The following XPO1 variants were observed in gnomAD, a reference collection of about 807,000 sequenced individuals.
XPO1 encodes the protein exportin-1.
In XPO1, 5 loss-of-function variants were observed where a neutral mutation model predicts 133.3. The ratio of observed to expected loss-of-function variants is 0.04; its 90% CI spans 0.02 to 0.08. The LOEUF (loss-of-function observed/expected upper bound fraction) is 0.08. Among genes scored for constraint, XPO1 ranks in the 10% least tolerant of loss-of-function variants. XPO1 has a pLI of 1.00. For missense variants in XPO1, 506 were observed against 1,267.5 expected, an observed-to-expected ratio of 0.40 and a Z score of 9.12; for synonymous variants, 419 against 408.2, an observed-to-expected ratio of 1.03 and a Z score of -0.32.
chr2:61,486,074 GGAAAATCT>G (rs1558631871), intron 19 of XPO1, 112 bp from the exon 20 acceptor site: 2 of 1,028,608 alleles, frequency 1.9e-6, no homozygotes, highest in African/African-American at 1.6e-5. Flanking sequence ...ACTGAAAACA[GGAAAATCT>G]TGTGTTTGTA....
intron 16 of XPO1, 152 bp from the exon 17 acceptor site, chr2:61,490,928 G>GCCAATC (rs1696949452): frequency 2.1e-6 from 2 of 952,786 alleles, no homozygotes; most frequent in Non-Finnish European, 1.5e-6. Flanking sequence ...GCCAAGGCAG[G>GCCAATC]CCAATCACTT....
chr2:61,525,091 A>G (rs188269063), intron 3 of XPO1, among the ~76,000 whole-genome samples: 3 of 152,322 alleles, frequency 2.0e-5, no homozygotes, highest in Admixed American at 2.0e-4. Context: ...TGAGGGACAG[A>G]TAACAGCAAA....
At chr2:61,491,668 C>T (rs1209439702) in intron 16 of XPO1, among the ~76,000 whole-genome samples, 3 of 152,076 alleles carry the variant, frequency 2.0e-5, no homozygotes, top group East Asian at 1.9e-4. Flanking sequence ...CTGAGGCAAG[C>T]GTATCGCTTG....
intron 3 of XPO1, chr2:61,525,390 A>G (rs1195469071): frequency 1.8e-5 from 18 of 992,608 alleles, no homozygotes; most frequent in African/African-American, 3.5e-5. Flanking sequence ...TAGTGTTAAC[A>G]TCTTTAAAGA....
intron 18 of XPO1, 135 bp downstream of exon 18, chr2:61,488,453 T>A: frequency 8.7e-7 from 1 of 1,151,122 alleles, no homozygotes; most frequent in Non-Finnish European, 1.2e-6. Context: ...TTAACTGTTT[T>A]AAATATGTCT....
At chr2:61,526,830 C>CCTGAGTAG (rs546968745) in intron 2 of XPO1, among the ~76,000 whole-genome samples, 2,074 of 152,018 alleles carry the variant, frequency 0.014, 16 homozygotes, top group Non-Finnish European at 0.022. Flanking sequence ...GCCTCAGCCT[C>CCTGAGTAG]CTGAGTAGCT....
intron 24 of XPO1, 28 bp from the exon 25 acceptor site, chr2:61,478,994 A>G (rs1329406704): frequency 6.3e-7 from 1 of 1,597,636 alleles, no homozygotes; most frequent in Non-Finnish European, 8.5e-7. Context: ...TGAAATGTCA[A>G]CGCAATAAAC....
At chr2:61,531,365 A>C (rs1699147559) in intron 2 of XPO1, among the ~76,000 whole-genome samples, 1 of 152,242 alleles carries the variant, frequency 6.6e-6, no homozygotes, top group South Asian at 2.1e-4. Flanking sequence ...ACAAACAAAA[A>C]AATTTAGAAA....
At chr2:61,535,746 A>C (rs1234908784) in intron 1 of XPO1, among the ~76,000 whole-genome samples, 1 of 152,246 alleles carries the variant, frequency 6.6e-6, no homozygotes, top group Admixed American at 6.5e-5. Context: ...AACGTTTCGT[A>C]GTAGGCATTA....
Position 61,492,094 on chromosome 2 carries a change from A to G in XPO1, c.1828T>C (p.Phe610Leu), listed in dbSNP as rs1697029714. The G allele has an allele frequency of 1.9e-6, 3 of 1,614,076 alleles. No individual in the cohort carries two copies. The highest frequency in any genetic ancestry group is 2.5e-6 in the Non-Finnish European group (3 of 1,180,036). The change falls in exon 16 of 25, where the codon TTT becomes CTT. Residue 610 changes from phenylalanine to leucine, a missense_variant. Physicochemically the swap from Phe to Leu is conservative, Grantham distance 22 (BLOSUM62 0). Coordinates refer to ENST00000401558, the MANE Select transcript of XPO1 (RefSeq NM_003400.4). The surrounding 1 kb of genome is among the most constrained non-coding windows in gnomAD (Gnocchi z 5.6). ...ATGTTGTTCAAAATTTCATCAATAAATGGCATCACTTCTCCAACCTGAACC... is the reference window on the plus strand; with the variant it reads ...ATGTTGTTCAAAATTTCATCAATAAGTGGCATCACTTCTCCAACCTGAACC... The part of the protein sequence containing the change: ...VQVQVGEVMP[F>L]IDEILNNINT...
intron 22 of XPO1, 28 bp downstream of exon 22, chr2:61,482,927 CTT>C (rs1696472935): frequency 6.2e-7 from 1 of 1,612,396 alleles, no homozygotes; most frequent in Non-Finnish European, 8.5e-7. Context: ...CCAGCTGGCA[CTT>C]AACATTTAAA....
chr2:61,526,229 C>G, intron 3 of XPO1, 191 bp downstream of exon 3: 1 of 1,389,728 alleles, frequency 7.2e-7, no homozygotes, highest in Non-Finnish European at 9.2e-7. Context: ...AGTCCCATTA[C>G]AAAACTTCAT....
intron 4 of XPO1, among the ~76,000 whole-genome samples, chr2:61,511,283 C>T (rs1698085701): frequency 6.6e-6 from 1 of 152,084 alleles, no homozygotes; most frequent in Admixed American, 6.5e-5. Context: ...GCCACCACGC[C>T]CAGCTAATTT....
chr2:61,522,785 T>G, intron 3 of XPO1, 102 bp from the exon 4 acceptor site: 3 of 804,800 alleles, frequency 3.7e-6, no homozygotes, highest in Non-Finnish European at 6.2e-6. Flanking sequence ...CATCTAAAGT[T>G]TCAAAAACAT....
chr2:61,481,724 C>T (rs1355997474), intron 23 of XPO1, among the ~76,000 whole-genome samples: 1 of 151,888 alleles, frequency 6.6e-6, no homozygotes, highest in African/African-American at 2.4e-5. Context: ...GGATTACAGG[C>T]GTTTGCCACC....
rs188075147 is a variant in XPO1 at position 61,513,303 on chromosome 2, C to G, written c.301+9308G>C. 2.4e-3 allele frequency among the ~76,000 whole-genome samples: 347 copies of G among 147,464 alleles called. 3 individuals carry two copies. Among genetic ancestry groups the G allele is most frequent in the South Asian group, 7.5e-3 (34 of 4,552 alleles). On this transcript the variant is annotated intron_variant, in intron 4 of 24. Transcript: ENST00000401558. ...TGTGAGCTACTGTGCCCAGCCAAAT[C>G]ACAGATCTTAATGCAAAAGCTAAAA... is the stretch of plus-strand genomic sequence containing the variant.
In XPO1 at chr2:61,482,059, C is replaced by CTTTTTTTTTTTTTTT. The variant is rs1273871116; in HGVS notation, c.2972+320_2972+321insAAAAAAAAAAAAAAA. Among the ~76,000 whole-genome samples, 319 of 40,936 alleles carry CTTTTTTTTTTTTTTT rather than the reference C, an allele frequency of 7.8e-3. 1 individual carries two copies. Among genetic ancestry groups the CTTTTTTTTTTTTTTT allele is most frequent in the Middle Eastern group, 0.014 (1 of 72 alleles). The allele number at this position is 40,936 out of a possible 152,430, so 26.9% of individuals were successfully genotyped here. Reference sequence around the variant, plus strand: ...CTTTTTTTTTTTTTTTTTTTTTTTGCTTTTTTAAAGAGGCAGGGTCTCACT... The same window carrying CTTTTTTTTTTTTTTT: ...CTTTTTTTTTTTTTTTTTTTTTTTGCTTTTTTTTTTTTTTTTTTTTTAAAGAGGCAGGGTCTCACT... On this transcript the variant is annotated intron_variant, in intron 23 of 24. Transcript: ENST00000401558.
chr2:61,505,474 G>A (rs924239316), intron 4 of XPO1, among the ~76,000 whole-genome samples: 7 of 149,370 alleles, frequency 4.7e-5, no homozygotes, highest in Non-Finnish European at 7.4e-5. Flanking sequence ...TCACTGACAC[G>A]GCCGCCTCCT....
intron 20 of XPO1, chr2:61,484,377 T>G (rs1416242414): frequency 1.2e-5 from 4 of 334,480 alleles, no homozygotes; most frequent in Admixed American, 4.8e-5. Flanking sequence ...ACCATAAGAC[T>G]ACTACTATCA....
Sources: allele counts gnomAD v4.1 joint callset (sites outside exome capture counted in the v4.1 genomes callset), GRCh38; gene constraint gnomAD v4.1.1; non-coding constraint Gnocchi (gnomAD v3.1); transcripts MANE v1.5; gene names NCBI Gene and HGNC (gene_info 2026-07-23, HGNC 2026-07-21).